The following RNF17 variants were observed in gnomAD, a reference collection of about 807,000 sequenced individuals.
RNF17 encodes spermatogenesis associated 23.
RNF17 carries 31 observed loss-of-function variants against 200.5 expected under a neutral mutation model. The observed-to-expected ratio is 0.15, with a 90% CI of 0.12 to 0.21. RNF17 has a LOEUF of 0.21. RNF17 is among the 10% of genes least tolerant of loss of function. The probability of loss-of-function intolerance (pLI) is 1.00; values close to 1 mark genes in which losing one functional copy is unlikely to be tolerated. For synonymous variants in RNF17, 606 were observed against 637.8 expected, an observed-to-expected ratio of 0.95 and a Z score of 0.75; for missense variants, 1,628 against 1,905.1, an observed-to-expected ratio of 0.85 and a Z score of 2.71.
intron 15 of RNF17, among the ~76,000 whole-genome samples, chr13:24,816,796 T>C (rs1002939107): frequency 1.3e-5 from 2 of 152,220 alleles, no homozygotes; most frequent in African/African-American, 2.4e-5. Flanking sequence ...CATCTGCTAG[T>C]ATAAACAAGT....
At chr13:24,759,197 C>T (rs1045515574), upstream of RNF17, among the ~76,000 whole-genome samples, 2 of 150,952 alleles carry the variant, frequency 1.3e-5, no homozygotes, top group African/African-American at 2.4e-5. Context: ...ACATGACATA[C>T]ACCTCTGGAG....
chr13:24,764,472 C>A, intron 1 of RNF17, 139 bp downstream of exon 1: 2 of 1,235,346 alleles, frequency 1.6e-6, no homozygotes, highest in Non-Finnish European at 1.1e-6. Flanking sequence ...AGGCCTCCCG[C>A]GAGCTGCACC....
chr13:24,870,538 T>A (rs1487526245), intron 31 of RNF17, 33 bp from the exon 32 acceptor site: 1 of 1,585,584 alleles, frequency 6.3e-7, no homozygotes. Flanking sequence ...CATTCCAGAA[T>A]CTGAAAGTTT....
At chr13:24,764,528 G>C (rs1357463863) in intron 1 of RNF17, 195 bp downstream of exon 1, 1 of 369,472 alleles carries the variant, frequency 2.7e-6, no homozygotes, top group African/African-American at 2.2e-5. Flanking sequence ...GGCAGCACCT[G>C]CGCCTGTCAC....
chr13:24,832,193 A>G (rs1889489903), intron 18 of RNF17, among the ~76,000 whole-genome samples: 1 of 152,224 alleles, frequency 6.6e-6, no homozygotes, highest in Non-Finnish European at 1.5e-5. Flanking sequence ...CACCCTTGAC[A>G]TGGCCCCTTG....
In RNF17 at chr13:24,871,527, G is replaced by A. The variant is rs1211571250; in HGVS notation, c.4447+788G>A. Among the ~76,000 whole-genome samples, 4 of 151,928 alleles carry A rather than the reference G, an allele frequency of 2.6e-5. No individual in the cohort carries two copies. The East Asian group carries it at 7.7e-4, about 29-fold the overall frequency. ...CAATTTTTGTATTTTTAGTAGAGAT[G>A]GGGTTTCCCCATGTTAGCCAGGCTG... is the stretch of plus-strand genomic sequence containing the variant. On this transcript the variant is annotated intron_variant, in intron 32 of 35. Transcript: ENST00000255324.
intron 15 of RNF17, among the ~76,000 whole-genome samples, chr13:24,805,941 C>A (rs1885796280): frequency 6.6e-6 from 1 of 151,884 alleles, no homozygotes; most frequent in Admixed American, 6.6e-5. Flanking sequence ...GCAGAACATG[C>A]AGGTTTGTTA....
chr13:24,807,154 G>T (rs1885994205), intron 15 of RNF17, among the ~76,000 whole-genome samples: 1 of 151,840 alleles, frequency 6.6e-6, no homozygotes, highest in Non-Finnish European at 1.5e-5. Flanking sequence ...AGTCCTTTGG[G>T]TATATATCCA....
At chr13:24,800,820 T>G (rs1885165204) in intron 13 of RNF17, among the ~76,000 whole-genome samples, 1 of 152,218 alleles carries the variant, frequency 6.6e-6, no homozygotes, top group South Asian at 2.1e-4. Flanking sequence ...GAAATAAGTT[T>G]ATGATGTGTG....
intron 6 of RNF17, among the ~76,000 whole-genome samples, chr13:24,786,240 A>AT (rs1883090086): frequency 6.6e-6 from 1 of 152,284 alleles, no homozygotes; most frequent in Non-Finnish European, 1.5e-5. Flanking sequence ...TCCTGAAGTT[A>AT]TAACAATCTG....
intron 32 of RNF17, among the ~76,000 whole-genome samples, chr13:24,872,092 C>T (rs1270320178): frequency 6.6e-6 from 1 of 150,838 alleles, no homozygotes; most frequent in Non-Finnish European, 1.5e-5. Flanking sequence ...CCTCAGCCTC[C>T]CAAGTAGACA....
At chr13:24,800,315 A>C (rs1885093591) in intron 12 of RNF17, 51 bp from the exon 13 acceptor site, 4 of 1,337,876 alleles carry the variant, frequency 3.0e-6, no homozygotes, top group Non-Finnish European at 4.1e-6. Context: ...GGGAAAACAA[A>C]TTTAAGTTTG....
chr13:24,789,751 T>C lies in RNF17; in HGVS notation c.914T>C (p.Ile305Thr), dbSNP rs1593256175. ...IICMFNNMGK[I>T]EFRDSTKCYP... ...TGTATGTTCAACAATATGGGAAAGA[T>C]TGAATTTAGGGACTCAACAAAGTAA... The change falls in exon 9 of 36, where the codon ATT becomes ACT. Residue 305 changes from isoleucine (I) to threonine (T), a missense_variant. By Grantham distance (89) the Ile-to-Thr change is moderately conservative. Transcript: ENST00000255324. The C allele has an allele frequency of 1.3e-6, 2 of 1,596,950 alleles. No individual in the cohort carries two copies. Among genetic ancestry groups the C allele is most frequent in the African/African-American group, 1.3e-5 (1 of 74,568 alleles).
chr13:24,882,947 A>C (rs1285780509), downstream of RNF17: 11 of 531,960 alleles, frequency 2.1e-5, no homozygotes, highest in South Asian at 1.9e-4. Flanking sequence ...ATTTCTAAAC[A>C]GTCAAAATGC....
chr13:24,856,992 C>T (rs192745831), intron 25 of RNF17, among the ~76,000 whole-genome samples: 8 of 152,204 alleles, frequency 5.3e-5, no homozygotes, highest in African/African-American at 1.7e-4. Flanking sequence ...TTTTGAGAAA[C>T]GCTCCAAACC....
chr13:24,826,859 G>A (rs1307298689), intron 16 of RNF17, among the ~76,000 whole-genome samples: 2 of 151,848 alleles, frequency 1.3e-5, no homozygotes, highest in African/African-American at 2.4e-5. Context: ...TCGGGAGTTC[G>A]AGACCAGCCT....
the RNF17 span, chr13:24,885,570 T>C: frequency 1.2e-5 from 18 of 1,445,006 alleles, no homozygotes; most frequent in East Asian, 3.0e-4. Context: ...GCCTAAGTAA[T>C]GTATGTTTGA....
At chr13:24,879,107 CGT>C in intron 34 of RNF17, 78 bp from the exon 35 acceptor site, 1 of 1,012,512 alleles carries the variant, frequency 9.9e-7, no homozygotes, top group Non-Finnish European at 1.5e-6. Flanking sequence ...TTTTCACACC[CGT>C]GTGAATGGCC....
the RNF17 span, among the ~76,000 whole-genome samples, chr13:24,758,956 G>A: frequency 2.6e-5 from 4 of 151,596 alleles, no homozygotes; most frequent in Non-Finnish European, 4.4e-5. Flanking sequence ...TGTGCCTGTA[G>A]TCCCAGCTAC....
Sources: gnomAD v4.1 joint callset for allele counts (sites outside exome capture counted in the v4.1 genomes callset) on GRCh38, gnomAD v4.1.1 for gene constraint, MANE v1.5 for transcripts, NCBI Gene and HGNC (gene_info 2026-07-23, HGNC 2026-07-21) for gene names.